Variants in ZC3H7B observed in about 807,000 individuals in gnomAD.
ZC3H7B encodes the protein zinc finger CCCH domain-containing protein 7B.
ZC3H7B carries 35 observed loss-of-function variants against 116.0 expected under a neutral mutation model. The observed-to-expected ratio is 0.30, with a 90% confidence interval of 0.23 to 0.40. The LOEUF (loss-of-function observed/expected upper bound fraction) is 0.40. Among genes scored for constraint, ZC3H7B ranks in the 10% least tolerant of loss-of-function variants. The pLI is 1.00. For synonymous variants in ZC3H7B, 502 were observed against 545.6 expected (o/e 0.92, Z 1.11); for missense variants, 1,011 against 1,321.5 (o/e 0.77, Z 3.64).
chr22:41,358,520 T>G lies in ZC3H7B; in HGVS notation c.*1091T>G, dbSNP rs1459337691. On this transcript the variant is annotated 3_prime_UTR_variant, in exon 23 of 23. Coordinates refer to ENST00000352645, the MANE Select transcript of ZC3H7B (RefSeq NM_017590.6). Reference sequence around the variant, plus strand: ...GTGGGAGGTGGGAAGGGTGAGGGTCTGGGGGAATGCGGAGAAAAGGGAGGC... The same window carrying G: ...GTGGGAGGTGGGAAGGGTGAGGGTCGGGGGGAATGCGGAGAAAAGGGAGGC... 1 of 152,236 alleles carries G rather than the reference T, an allele frequency of 6.6e-6. No individual in the cohort carries two copies. Among genetic ancestry groups the G allele is most frequent in the Non-Finnish European group, 1.5e-5 (1 of 68,138 alleles). The allele number at this position is 152,236 out of a possible 1,614,324, so 9.4% of individuals were successfully genotyped here. A position where few individuals can be genotyped will look rare whatever the true frequency, so the allele number is the denominator to read the frequency against.
chr22:41,353,519 T>G (rs1238872788), intron 17 of ZC3H7B, among the ~76,000 whole-genome samples: 4 of 152,196 alleles, frequency 2.6e-5, no homozygotes, highest in Non-Finnish European at 5.9e-5. Flanking sequence ...TGGAGGACCC[T>G]CGGGCTCAGA....
rs2036623806 is a variant in ZC3H7B at position 41,349,054 on chromosome 22, T to C, written c.1767-66T>C. On this transcript the variant is annotated intron_variant, in intron 15 of 22. Coordinates refer to ENST00000352645, the MANE Select transcript of ZC3H7B (RefSeq NM_017590.6). The surrounding 1 kb of genome is among the most constrained non-coding windows in gnomAD (Gnocchi z 4.9). Reference sequence around the variant, plus strand: ...GAGCCTGGCACTGGGAAGGTGGCCCTACCAGGAGAGAAGGTCAGAGGGGCT... The same window carrying C: ...GAGCCTGGCACTGGGAAGGTGGCCCCACCAGGAGAGAAGGTCAGAGGGGCT... 6.4e-7 allele frequency: 1 copy of C among 1,550,606 alleles called. No homozygotes were observed. The highest frequency in any genetic ancestry group is 1.8e-5 in the Admixed American group (1 of 54,232).
chr22:41,323,081 C>G (rs113988808), intron 2 of ZC3H7B, among the ~76,000 whole-genome samples: 1 of 152,180 alleles, frequency 6.6e-6, no homozygotes, highest in African/African-American at 2.4e-5. Flanking sequence ...TTTTCCTGGC[C>G]GCTTCTGGAG....
rs373304213 is a variant in ZC3H7B, at chr22:41,346,122, G to T, written c.1579G>T (p.Asp527Tyr). ...CACCCTCAACCGCGACCTGCTCTTCGACCCGCTGGGGGGTGTTAAGCGCGG... is the reference window on the plus strand; with the variant it reads ...CACCCTCAACCGCGACCTGCTCTTCTACCCGCTGGGGGGTGTTAAGCGCGG... ...KGTLNRDLLF[D>Y]PLGGVKRGSL... The change falls in exon 14 of 23, where the codon GAC becomes TAC. Residue 527 changes from aspartate (D) to tyrosine (Y), a missense_variant. Asp to Tyr is a radical substitution (Grantham distance 160). This residue lies in a region of ZC3H7B where 179 missense variants were observed against 178.5 expected (regional missense o/e 1.00). Transcript: ENST00000352645. The surrounding 1 kb of genome is among the most constrained non-coding windows in gnomAD (Gnocchi z 5.3). 1 of 1,613,554 alleles carries T rather than the reference G, an allele frequency of 6.2e-7. No individual in the cohort carries two copies. The highest frequency in any genetic ancestry group is 8.5e-7 in the Non-Finnish European group (1 of 1,180,024).
rs2036626216 is a variant in ZC3H7B, at chr22:41,349,182, A to G, written c.1829A>G (p.Glu610Gly). 1 of 1,613,696 alleles carries G rather than the reference A, an allele frequency of 6.2e-7. No individual in the cohort carries two copies. Among genetic ancestry groups the G allele is most frequent in the South Asian group, 1.1e-5 (1 of 91,086 alleles). Reference protein sequence around the residue: ...LKYSKIRQFQEHFQFDVCRHE... With the variant: ...LKYSKIRQFQGHFQFDVCRHE... The stretch of plus-strand genomic sequence containing the variant: ...TACTCCAAGATCCGCCAGTTCCAGG[A>G]GCACTTCCAGTTCGACGTGTGCCGC... Residue 610 changes from glutamate to glycine, a missense_variant, in exon 16 of 23, where the codon GAG becomes GGG. This residue lies in a region of ZC3H7B where 406 missense variants were observed against 590.2 expected (regional missense o/e 0.69). Coordinates refer to ENST00000352645, the MANE Select transcript of ZC3H7B (RefSeq NM_017590.6). The surrounding 1 kb of genome is among the most constrained non-coding windows in gnomAD (Gnocchi z 4.9).
chr22:41,353,053 C>T (rs1419103098), intron 17 of ZC3H7B, among the ~76,000 whole-genome samples: 2 of 150,910 alleles, frequency 1.3e-5, no homozygotes, highest in Non-Finnish European at 1.5e-5. Flanking sequence ...GACCTCCAGC[C>T]TGGGTGACAG....
chr22:41,314,540 G>A (rs889193126), intron 1 of ZC3H7B, among the ~76,000 whole-genome samples: 23 of 152,096 alleles, frequency 1.5e-4, no homozygotes, highest in African/African-American at 5.1e-4. Flanking sequence ...CTCCCACTTC[G>A]CCTCCCAAAG....
intron 2 of ZC3H7B, among the ~76,000 whole-genome samples, chr22:41,325,089 A>G (rs1011820007): frequency 2.0e-5 from 3 of 152,064 alleles, no homozygotes; most frequent in African/African-American, 7.2e-5. Context: ...GTAACTGAGA[A>G]AGGGCTTGGA....
intron 11 of ZC3H7B, among the ~76,000 whole-genome samples, chr22:41,341,926 G>A (rs748600640): frequency 1.3e-5 from 2 of 152,088 alleles, no homozygotes; most frequent in African/African-American, 4.8e-5. Flanking sequence ...GCTGGGTGTA[G>A]TGGCGGACAC....
rs1489248278 is a variant in ZC3H7B, at chr22:41,359,319, ATAT to A, written c.*1894_*1896del. 12 of 152,626 alleles carry A rather than the reference ATAT, an allele frequency of 7.9e-5. No homozygotes were observed. The highest frequency in any genetic ancestry group is 2.1e-4 in the South Asian group (1 of 4,832). The allele number at this position is 152,626 out of a possible 1,614,324, so 9.5% of individuals were successfully genotyped here. ...GGTATTAAATATATCGCTCTATATA[ATAT>A]TATATATGTGTGTGGTATCCAAGGA... is the stretch of plus-strand genomic sequence containing the variant. On this transcript the variant is annotated 3_prime_UTR_variant, in exon 23 of 23. Transcript: ENST00000352645.
intron 5 of ZC3H7B, 91 bp from the exon 6 acceptor site, chr22:41,329,932 C>T: frequency 7.3e-7 from 1 of 1,363,738 alleles, no homozygotes; most frequent in Non-Finnish European, 1.0e-6. Context: ...GTGACTATGA[C>T]CTCCCTCCGT....
In ZC3H7B at chr22:41,343,539, T is replaced by G. The variant is rs770721045; in HGVS notation, c.1422T>G (p.Thr474=). The change falls in exon 13 of 23, where the codon ACT becomes ACG. Residue 474 remains threonine, a synonymous_variant. Transcript: ENST00000352645. ...QTWKRIRPRP[T]KTSFVGSYYL... is the part of the protein sequence containing the mutation. ...GGAAGCGGATCCGGCCCCGGCCCAC[T>G]AAGACCAGCTTCGTGGGCTCCTACT... 2 of 1,612,294 alleles carry G rather than the reference T, an allele frequency of 1.2e-6. No homozygotes were observed. The highest frequency in any genetic ancestry group is 4.5e-5 in the East Asian group (2 of 44,852).
chr22:41,317,682 G>C (rs928585717), intron 1 of ZC3H7B, among the ~76,000 whole-genome samples: 3 of 152,110 alleles, frequency 2.0e-5, no homozygotes, highest in Non-Finnish European at 4.4e-5. Flanking sequence ...TACTCAGGAG[G>C]CTGAGGGGGG....
Position 41,341,139 on chromosome 22 carries a change from C to T in ZC3H7B, c.1190C>T (p.Ala397Val), listed in dbSNP as rs557662321. Residue 397 changes from alanine (A) to valine (V), a missense_variant, in exon 11 of 23, where the codon GCC becomes GTC. Physicochemically the swap from Ala to Val is moderately conservative, Grantham distance 64 (BLOSUM62 0). Around this residue, in one of 5 missense-constraint regions of ZC3H7B, gnomAD observed 99 missense variants for 89.5 expected, o/e 1.11. Coordinates refer to ENST00000352645, the MANE Select transcript of ZC3H7B (RefSeq NM_017590.6). ...HRPPSGAQKP[A>V]PSPEPCMPNT... ...CCCCCTAGCGGTGCTCAGAAACCAG[C>T]CCCCTCGGTGAGTGACTTGAGTGGG... 13 of 1,613,922 alleles carry T rather than the reference C, an allele frequency of 8.1e-6. No homozygotes were observed. Among genetic ancestry groups the T allele is most frequent in the Non-Finnish European group, 1.1e-5 (13 of 1,179,868 alleles).
At chr22:41,330,749 C>T (rs2036371011) in intron 6 of ZC3H7B, among the ~76,000 whole-genome samples, 1 of 151,962 alleles carries the variant, frequency 6.6e-6, no homozygotes, top group Non-Finnish European at 1.5e-5. Flanking sequence ...TGAGACCAGC[C>T]TGATCAACAT....
At chr22:41,323,363 T>C (rs987346191) in intron 2 of ZC3H7B, among the ~76,000 whole-genome samples, 2 of 152,198 alleles carry the variant, frequency 1.3e-5, no homozygotes, top group Non-Finnish European at 2.9e-5. Context: ...ACAAGGTGAC[T>C]CCGGCCACTG....
At position 41,338,112 on chromosome 22, in the gene ZC3H7B, C is replaced by T. The variant is rs1177928526; in HGVS notation, c.583-201C>T. On this transcript the variant is annotated intron_variant, in intron 7 of 22. Transcript: ENST00000352645. This position sits in a 1 kb window ranked among gnomAD's most constrained non-coding sequence, Gnocchi z 4.5. ...TGAATTTCTGACCTCAGGTGATCCA[C>T]CCACCTCAGCCTCCCCAAGTGCTGG... Among the ~76,000 whole-genome samples, 2 of 152,172 alleles carry T rather than the reference C, an allele frequency of 1.3e-5. No homozygotes were observed. Among genetic ancestry groups the T allele is most frequent in the African/African-American group, 4.8e-5 (2 of 41,432 alleles).
At chr22:41,356,154 G>T in intron 20 of ZC3H7B, 92 bp downstream of exon 20, 1 of 1,434,324 alleles carries the variant, frequency 7.0e-7, no homozygotes, top group Non-Finnish European at 9.4e-7. Context: ...AGCGTCCACT[G>T]CACCCCTTTG....
chr22:41,334,456 G>GC (rs1047377352), intron 7 of ZC3H7B: 12 of 152,062 alleles, frequency 7.9e-5, no homozygotes, highest in African/African-American at 1.2e-4. Context: ...CTGGCACCAG[G>GC]CCCCCCCCAG....
Sources: allele counts gnomAD v4.1 joint callset (sites outside exome capture counted in the v4.1 genomes callset), GRCh38; gene constraint gnomAD v4.1.1; regional missense constraint gnomAD v4.1.1; non-coding constraint Gnocchi (gnomAD v3.1); transcripts MANE v1.5; gene names NCBI Gene and HGNC (gene_info 2026-07-23, HGNC 2026-07-21).